WASF3: variants seen among roughly 807,000 people sequenced by gnomAD.
The protein encoded by WASF3 is WASP family member 3, also known as actin-binding protein WASF3.
In WASF3, 11 loss-of-function variants were observed where a neutral mutation model predicts 46.6. That is an observed-to-expected ratio of 0.24 (90% CI 0.15 to 0.39). The LOEUF (loss-of-function observed/expected upper bound fraction) is 0.39. WASF3 is among the 10% of genes least tolerant of loss of function. The pLI, the probability that WASF3 is intolerant of heterozygous loss-of-function variation, is 1.00. For missense variants in WASF3, 576 were observed against 669.8 expected, an observed-to-expected ratio of 0.86 and a Z score of 1.55; for synonymous variants, 242 against 259.7, an observed-to-expected ratio of 0.93 and a Z score of 0.65.
At chr13:26,604,016 T>G (rs1880720550) in intron 1 of WASF3, among the ~76,000 whole-genome samples, 1 of 152,164 alleles carries the variant, frequency 6.6e-6, no homozygotes, top group Non-Finnish European at 1.5e-5. Context: ...GCTAGGTTGG[T>G]GTGGTCCTGC....
chr13:26,640,812 C>G (rs1881975032), intron 2 of WASF3: 1 of 152,206 alleles, frequency 6.6e-6, no homozygotes, highest in East Asian at 1.9e-4. Flanking sequence ...GTCTGAGGCA[C>G]TAAAAGCTGG....
intron 2 of WASF3, chr13:26,641,816 C>G (rs60202917): frequency 6.6e-6 from 1 of 152,154 alleles, no homozygotes; most frequent in South Asian, 2.1e-4. Context: ...CTTCAAGACT[C>G]GGAGGGTCAA....
chr13:26,609,124 A>G (rs943989335), intron 1 of WASF3, among the ~76,000 whole-genome samples: 1 of 152,220 alleles, frequency 6.6e-6, no homozygotes, highest in African/African-American at 2.4e-5. Context: ...ATAGATTAAC[A>G]ATGAGTCATT....
chr13:26,663,585 G>A (rs2066634341), intron 3 of WASF3, among the ~76,000 whole-genome samples: 1 of 152,138 alleles, frequency 6.6e-6, no homozygotes, highest in East Asian at 1.9e-4. Flanking sequence ...TTTGGTGGGG[G>A]ATGGGGTACA....
At chr13:26,660,194 G>GTTTTTTTTTTTTTTTTTTTTTTTTTTTTT (rs71080285) in intron 3 of WASF3, among the ~76,000 whole-genome samples, 1 of 43,376 alleles carries the variant, frequency 2.3e-5, no homozygotes, top group African/African-American at 7.4e-5. Context: ...TTTTTGTTTG[G>GTTTTTTTTTTTTTTTTTTTTTTTTTTTTT]TTTTTTTTTT....
chr13:26,558,212 G>C (rs959732404), intron 1 of WASF3, among the ~76,000 whole-genome samples: 1 of 151,856 alleles, frequency 6.6e-6, no homozygotes, highest in African/African-American at 2.4e-5. Flanking sequence ...ACGACGCCCC[G>C]GGCCGCTCCG....
the WASF3 span, among the ~76,000 whole-genome samples, chr13:26,551,075 G>A: frequency 6.6e-6 from 1 of 152,280 alleles, no homozygotes; most frequent in South Asian, 2.1e-4. Context: ...TAGTGAGTGT[G>A]TTCTCATGAG....
chr13:26,641,638 C>A (rs184631899), intron 2 of WASF3, among the ~76,000 whole-genome samples: 1 of 151,788 alleles, frequency 6.6e-6, no homozygotes, highest in Admixed American at 6.6e-5. Flanking sequence ...AGGAGTTGGT[C>A]AACAGGGAAC....
intron 1 of WASF3, among the ~76,000 whole-genome samples, chr13:26,591,372 GA>G (rs976681733): frequency 6.6e-6 from 1 of 152,162 alleles, no homozygotes; most frequent in Non-Finnish European, 1.5e-5. Context: ...GAATAAAGTG[GA>G]GACCAGCCGG....
chr13:26,569,687 G>T (rs1054451595), intron 1 of WASF3, among the ~76,000 whole-genome samples: 1 of 152,082 alleles, frequency 6.6e-6, no homozygotes, highest in African/African-American at 2.4e-5. Flanking sequence ...AAACCCAGAG[G>T]AAGTAGATAG....
At chr13:26,673,085 T>C (rs1882967548) in intron 6 of WASF3, among the ~76,000 whole-genome samples, 1 of 152,180 alleles carries the variant, frequency 6.6e-6, no homozygotes, top group Non-Finnish European at 1.5e-5. Context: ...GGAACAAATA[T>C]TTAAAAAGCA....
chr13:26,665,125 T>C lies in WASF3; in HGVS notation c.231T>C (p.Ala77=). The C allele has an allele frequency of 6.2e-7, 1 of 1,614,162 alleles. No homozygotes were observed. Among genetic ancestry groups the C allele is most frequent in the Non-Finnish European group, 8.5e-7 (1 of 1,180,022 alleles). ...NSLQDRIDRL[A]VKVTQLDSTV... is the part of the protein sequence containing the mutation. ...TTCAAGACAGAATTGATCGCCTTGC[T>C]GTCAAAGTCACCCAGCTGGATTCAA... Residue 77 remains alanine, a synonymous_variant, in exon 4 of 10, where the codon GCT becomes GCC. Coordinates refer to ENST00000335327, the MANE Select transcript of WASF3 (RefSeq NM_006646.6).
chr13:26,655,786 T>C (rs1457117095), intron 3 of WASF3, among the ~76,000 whole-genome samples: 1 of 152,248 alleles, frequency 6.6e-6, no homozygotes, highest in Admixed American at 6.5e-5. Context: ...CATTGACTTA[T>C]TTTGATCCTT....
Position 26,682,890 on chromosome 13 carries a change from C to T in WASF3, c.1267C>T (p.Pro423Ser), listed in dbSNP as rs1269884432. ...TTCGTCCTCCCCAATGCATGGCCCC[C>T]CAGTAGCTGAGGCGAAGCGGCAAGA... is the stretch of plus-strand genomic sequence containing the variant. ...SLSSSPMHGP[P>S]VAEAKRQEPA... The change falls in exon 9 of 10, where the codon CCA becomes TCA. Residue 423 changes from proline (P) to serine (S), a missense_variant. Transcript: ENST00000335327. This position sits in a 1 kb window ranked among gnomAD's most constrained non-coding sequence, Gnocchi z 4.4. The T allele has an allele frequency of 2.5e-6, 4 of 1,611,916 alleles. No individual in the cohort carries two copies. Among genetic ancestry groups the T allele is most frequent in the East Asian group, 2.2e-5 (1 of 44,866 alleles).
intron 1 of WASF3, among the ~76,000 whole-genome samples, chr13:26,562,855 T>TCCC (rs1566035544): frequency 5.3e-3 from 128 of 24,292 alleles, no homozygotes; most frequent in African/African-American, 0.02. Flanking sequence ...TCCCCTCCCC[T>TCCC]CTCCTCCCCT....
intron 5 of WASF3, among the ~76,000 whole-genome samples, chr13:26,671,650 G>T (rs1456166993): frequency 6.6e-6 from 1 of 152,020 alleles, no homozygotes; most frequent in African/African-American, 2.4e-5. Context: ...AAATTTGCAA[G>T]AGTACTTTTA....
At chr13:26,657,508 C>T (rs1424354226) in intron 3 of WASF3, among the ~76,000 whole-genome samples, 2 of 152,162 alleles carry the variant, frequency 1.3e-5, no homozygotes, top group African/African-American at 2.4e-5. Context: ...TCTTGAGAAG[C>T]CTCTCCCGGG....
intron 2 of WASF3, among the ~76,000 whole-genome samples, chr13:26,630,764 A>C (rs1269320595): frequency 2.0e-5 from 3 of 152,228 alleles, no homozygotes; most frequent in Non-Finnish European, 4.4e-5. Flanking sequence ...GAACTAATTT[A>C]CACTCCCACC....
chr13:26,584,679 T>G (rs1880078955), intron 1 of WASF3, among the ~76,000 whole-genome samples: 1 of 152,226 alleles, frequency 6.6e-6, no homozygotes, highest in East Asian at 1.9e-4. Flanking sequence ...TGTAAAGCAT[T>G]CCTCAGTTTT....
Sources: gnomAD v4.1 joint callset for allele counts (sites outside exome capture counted in the v4.1 genomes callset) on GRCh38, gnomAD v4.1.1 for gene constraint, Gnocchi (gnomAD v3.1) non-coding constraint, MANE v1.5 for transcripts, NCBI Gene and HGNC (gene_info 2026-07-23, HGNC 2026-07-21) for gene names.